Variants in RDX observed in about 807,000 individuals in gnomAD.
RDX encodes radixin, also known as deafness, autosomal recessive 24.
RDX carries 32 observed loss-of-function variants against 83.7 expected under a neutral mutation model. The observed-to-expected ratio is 0.38, with a 90% CI of 0.29 to 0.51. The LOEUF is 0.51. RDX is among the 20% of genes least tolerant of loss of function. The probability of loss-of-function intolerance (pLI) is 0.87; values close to 1 mark genes in which losing one functional copy is unlikely to be tolerated. For synonymous variants in RDX, 229 were observed against 222.7 expected (o/e 1.03, Z -0.25); for missense variants, 600 against 689.9 (o/e 0.87, Z 1.46).
intron 10 of RDX, among the ~76,000 whole-genome samples, chr11:110,239,744 G>A (rs1282035144): frequency 2.6e-5 from 4 of 151,862 alleles, no homozygotes; most frequent in Non-Finnish European, 5.9e-5. Flanking sequence ...TGGGCATGGT[G>A]GCACATGTAA....
chr11:110,205,621 A>C lies in RDX; in HGVS notation c.1749-5943T>G, dbSNP rs1000030460. On this transcript the variant is annotated intron_variant, in intron 14 of 15. Transcript: ENST00000528498. ...CAAAAAAAAAGTTATTTCAAAGAAA[A>C]TGAAACATGAAAGGCCTTTAAAGAA... 7.2e-5 allele frequency among the ~76,000 whole-genome samples: 11 copies of C among 152,286 alleles called. No individual in the cohort carries two copies. In the South Asian group the frequency reaches 2.3e-3, roughly 32 times the overall value.
At chr11:110,180,043 A>G (rs1862854816) in intron 15 of RDX, 23 of 299,730 alleles carry the variant, frequency 7.7e-5, no homozygotes, top group South Asian at 6.7e-4. Flanking sequence ...CTGGGACTAC[A>G]GACAGGCACC....
At chr11:110,268,263 C>T (rs895567961) in intron 3 of RDX, among the ~76,000 whole-genome samples, 6 of 149,380 alleles carry the variant, frequency 4.0e-5, no homozygotes, top group Non-Finnish European at 8.9e-5. Context: ...ATTGAGCTAT[C>T]GCACCACTGT....
At chr11:110,273,738 C>A (rs1239623034) in intron 2 of RDX, among the ~76,000 whole-genome samples, 2 of 152,126 alleles carry the variant, frequency 1.3e-5, no homozygotes, top group African/African-American at 4.8e-5. Context: ...ATTATTTTAT[C>A]TTTTATTAAC....
chr11:110,291,222 G>A lies in RDX; in HGVS notation c.-65+5245C>T, dbSNP rs796877774. ...CACATGTAGTCTTAGCTACTCCAGA[G>A]GCTGAGGTGGGAGGACTGCCTGAGC... is the stretch of plus-strand genomic sequence containing the variant. On this transcript the variant is annotated intron_variant, in intron 1 of 13. Coordinates refer to ENST00000645495, the MANE Select transcript of RDX (RefSeq NM_002906.4). Among the ~76,000 whole-genome samples the A allele has an allele frequency of 6.6e-5, 10 of 152,230 alleles. 1 individual carries two copies. The highest frequency in any genetic ancestry group is 2.4e-4 in the African/African-American group (10 of 41,548).
chr11:110,275,861 T>G (rs1860493657), intron 2 of RDX, among the ~76,000 whole-genome samples: 1 of 148,156 alleles, frequency 6.7e-6, no homozygotes, highest in Non-Finnish European at 1.5e-5. Context: ...CTCAGCTCAC[T>G]GCAACCTCTG....
intron 15 of RDX, among the ~76,000 whole-genome samples, chr11:110,186,238 A>G (rs116677901): frequency 0.016 from 2,467 of 152,270 alleles, 86 homozygotes; most frequent in African/African-American, 0.053. Flanking sequence ...GAGCATCCCA[A>G]TGATAAACAC....
chr11:110,240,004 TA>T (rs1865018962), intron 10 of RDX, among the ~76,000 whole-genome samples: 2 of 152,106 alleles, frequency 1.3e-5, no homozygotes, highest in African/African-American at 4.8e-5. Context: ...TATCCAGCAA[TA>T]TCCAAAACAT....
intron 5 of RDX, among the ~76,000 whole-genome samples, chr11:110,262,355 C>T (rs1225193156): frequency 3.3e-5 from 5 of 151,950 alleles, no homozygotes; most frequent in African/African-American, 9.7e-5. Context: ...GAGGCCGAAG[C>T]GGGTGGATCA....
At chr11:110,224,233 A>G (rs965452630) in intron 14 of RDX, among the ~76,000 whole-genome samples, 2 of 151,388 alleles carry the variant, frequency 1.3e-5, no homozygotes, top group Non-Finnish European at 2.9e-5. Context: ...AAAAAAAAAA[A>G]CAAAAAAACA....
rs1863986647 is a variant in RDX, at chr11:110,215,044, A to AT, written c.1749-15367_1749-15366insA. 5.5e-5 allele frequency among the ~76,000 whole-genome samples: 5 copies of AT among 90,882 alleles called. No homozygotes were observed. The South Asian group carries it at 1.2e-3, about 23-fold the overall frequency. 59.6% of individuals were successfully genotyped at this position (90,882 alleles called of 152,430 possible). On this transcript the variant is annotated intron_variant, in intron 14 of 15. Transcript: ENST00000528498. ...ACATTTAGGAGACCTAACAAAAAAA[A>AT]AAAAAATATATATATATATATATAT...
At chr11:110,253,506 A>G (rs1469581127) in intron 9 of RDX, among the ~76,000 whole-genome samples, 5 of 152,198 alleles carry the variant, frequency 3.3e-5, no homozygotes, top group Admixed American at 3.3e-4. Context: ...AGAGTTAAAA[A>G]GATTAGGGTC....
rs1248954645 is a variant in RDX, at chr11:110,212,162, G to A, written c.1749-12484C>T. Among the ~76,000 whole-genome samples the A allele has an allele frequency of 1.0e-4, 15 of 149,774 alleles. No individual in the cohort carries two copies. In the South Asian group the frequency reaches 2.1e-3, roughly 21 times the overall value. The stretch of plus-strand genomic sequence containing the variant: ...AAATGATAAAGGGGATATCACCACC[G>A]ATCCCACAGAAATACAAACTACCAT... On this transcript the variant is annotated intron_variant, in intron 14 of 15. Transcript: ENST00000528498.
chr11:110,237,433 T>C (rs1159999684), intron 11 of RDX, 59 bp downstream of exon 11: 1 of 1,528,204 alleles, frequency 6.5e-7, no homozygotes, highest in African/African-American at 1.4e-5. Flanking sequence ...TTTTCTTTTT[T>C]AGAGGGTTCA....
At chr11:110,223,969 G>A (rs567103988) in intron 14 of RDX, among the ~76,000 whole-genome samples, 113 of 152,116 alleles carry the variant, frequency 7.4e-4, no homozygotes, top group Non-Finnish European at 1.4e-3. Flanking sequence ...AGGTTGTGGT[G>A]AGCCGAGATA....
intron 10 of RDX, among the ~76,000 whole-genome samples, chr11:110,246,512 C>T (rs1040827169): frequency 1.1e-4 from 17 of 152,186 alleles, no homozygotes; most frequent in Admixed American, 1.1e-3. Context: ...TGGTGGCTCA[C>T]GCCTGTAATC....
chr11:110,292,652 A>T (rs554224490), intron 1 of RDX, among the ~76,000 whole-genome samples: 29 of 140,372 alleles, frequency 2.1e-4, no homozygotes, highest in African/African-American at 6.3e-4. Context: ...CAAATAAATT[A>T]AAAAAAAAAA....
chr11:110,197,980 A>C (rs1863261151), intron 15 of RDX, among the ~76,000 whole-genome samples: 1 of 152,160 alleles, frequency 6.6e-6, no homozygotes, highest in Non-Finnish European at 1.5e-5. Flanking sequence ...ACGACCTTAA[A>C]CTCATTTCAG....
chr11:110,230,386 T>A lies in RDX; in HGVS notation c.*1483A>T, dbSNP rs1864577531. The stretch of plus-strand genomic sequence containing the variant: ...TTCAGTAAGCTATAACCGAAATTAA[T>A]ATAAACTAAAATTATAATTTCTAAA... On this transcript the variant is annotated 3_prime_UTR_variant, in exon 14 of 14. Coordinates refer to ENST00000645495, the MANE Select transcript of RDX (RefSeq NM_002906.4). 6.6e-6 allele frequency: 1 copy of A among 152,140 alleles called. No individual in the cohort carries two copies. Among genetic ancestry groups the A allele is most frequent in the African/African-American group, 2.4e-5 (1 of 41,452 alleles). 9.4% of individuals were successfully genotyped at this position (152,140 alleles called of 1,614,324 possible).
Sources: allele counts gnomAD v4.1 joint callset (sites outside exome capture counted in the v4.1 genomes callset), GRCh38; gene constraint gnomAD v4.1.1; transcripts MANE v1.5; gene names NCBI Gene and HGNC (gene_info 2026-07-23, HGNC 2026-07-21).